DZIP3: variants seen among roughly 807,000 people sequenced by gnomAD.
DZIP3 encodes the protein DAZ interacting zinc finger protein 3, also known as E3 ubiquitin-protein ligase DZIP3.
A neutral mutation model predicts 162.0 loss-of-function variants in DZIP3; 118 were observed. That is an observed-to-expected ratio of 0.73 (90% CI 0.63 to 0.85). The LOEUF (loss-of-function observed/expected upper bound fraction) is 0.85. DZIP3 is among the 40% of genes least tolerant of loss of function. The pLI is 0.00. For synonymous variants in DZIP3, 438 were observed against 458.6 expected (o/e 0.96, Z 0.57); for missense variants, 1,331 against 1,407.0 (o/e 0.95, Z 0.86).
chr3:108,628,656 C>T (rs772803343), intron 7 of DZIP3, among the ~76,000 whole-genome samples: 16 of 152,164 alleles, frequency 1.1e-4, no homozygotes, highest in Admixed American at 3.3e-4. Flanking sequence ...ATTTTCAGCA[C>T]GGATTATGGC....
intron 8 of DZIP3, among the ~76,000 whole-genome samples, chr3:108,632,102 T>C (rs1255402472): frequency 6.6e-6 from 1 of 152,218 alleles, no homozygotes; most frequent in Non-Finnish European, 1.5e-5. Context: ...TTAGCAGTAA[T>C]ACTATTTGAA....
intron 18 of DZIP3, among the ~76,000 whole-genome samples, chr3:108,652,488 A>G (rs545844870): frequency 6.6e-6 from 1 of 152,024 alleles, no homozygotes; most frequent in South Asian, 2.1e-4. Flanking sequence ...GACCTCAGAT[A>G]TGATGGTGGT....
chr3:108,688,127 ATC>A, intron 29 of DZIP3, 31 bp downstream of exon 29: 3 of 1,611,672 alleles, frequency 1.9e-6, no homozygotes, highest in Non-Finnish European at 2.5e-6. Flanking sequence ...AAAAACCTGT[ATC>A]TCTCTGCCCT....
chr3:108,692,133 G>C (rs1413118304), intron 32 of DZIP3, among the ~76,000 whole-genome samples: 1 of 151,860 alleles, frequency 6.6e-6, no homozygotes, highest in Non-Finnish European at 1.5e-5. Context: ...CCCTACAAAG[G>C]CCAAGAACAT....
At chr3:108,590,717 G>C (rs1396717923) in intron 1 of DZIP3, among the ~76,000 whole-genome samples, 1 of 152,234 alleles carries the variant, frequency 6.6e-6, no homozygotes, top group African/African-American at 2.4e-5. Context: ...CAGTGGTAAA[G>C]AGTAGAGAGC....
chr3:108,635,637 T>TTATA (rs71930078), intron 10 of DZIP3, among the ~76,000 whole-genome samples: 1 of 146,302 alleles, frequency 6.8e-6, no homozygotes, highest in Admixed American at 6.9e-5. Flanking sequence ...ATTATATAAG[T>TTATA]TATATATATA....
intron 21 of DZIP3, among the ~76,000 whole-genome samples, chr3:108,663,142 AT>A (rs1367811864): frequency 1.3e-5 from 2 of 152,198 alleles, no homozygotes; most frequent in Non-Finnish European, 2.9e-5. Flanking sequence ...TGACAACATA[AT>A]TTCACTTACA....
intron 1 of DZIP3, among the ~76,000 whole-genome samples, chr3:108,599,831 C>T (rs540656258): frequency 2.0e-5 from 3 of 152,282 alleles, no homozygotes; most frequent in African/African-American, 7.2e-5. Flanking sequence ...GAAGAGCACC[C>T]TTATCAGAAC....
intron 4 of DZIP3, among the ~76,000 whole-genome samples, chr3:108,614,336 A>G (rs1940881655): frequency 6.6e-6 from 1 of 152,212 alleles, no homozygotes; most frequent in Non-Finnish European, 1.5e-5. Flanking sequence ...TGCTACTTGG[A>G]GTAGCTACCT....
chr3:108,674,806 T>G (rs1944045189), intron 24 of DZIP3, among the ~76,000 whole-genome samples: 1 of 151,878 alleles, frequency 6.6e-6, no homozygotes, highest in African/African-American at 2.4e-5. Context: ...CTTAAAGAAT[T>G]AATTAAATTA....
intron 16 of DZIP3, chr3:108,648,333 T>A (rs1454979051): frequency 1.2e-5 from 5 of 407,794 alleles, no homozygotes; most frequent in Non-Finnish European, 2.1e-5. Context: ...CTTAAACACT[T>A]ATGTGGCAGG....
At chr3:108,667,190 AAG>A (rs1943719343) in intron 21 of DZIP3, among the ~76,000 whole-genome samples, 1 of 152,090 alleles carries the variant, frequency 6.6e-6, no homozygotes, top group South Asian at 2.1e-4. Context: ...GAGTTGGAAA[AAG>A]AAAAATAGTA....
chr3:108,607,504 C>A (rs765379664), intron 2 of DZIP3, among the ~76,000 whole-genome samples: 7 of 152,070 alleles, frequency 4.6e-5, no homozygotes, highest in Non-Finnish European at 8.8e-5. Flanking sequence ...GCAAAAGCAA[C>A]ATTACAAATA....
At position 108,651,162 on chromosome 3, in the gene DZIP3, TGTAA is replaced by T; in HGVS notation, c.2033+4_2033+7del. On this transcript the variant is annotated splice_donor_variant and splice_donor_region_variant and intron_variant, in intron 18 of 32. Coordinates refer to ENST00000361582, the MANE Select transcript of DZIP3 (RefSeq NM_014648.4). LOFTEE classifies it high-confidence loss of function. Reference sequence around the variant, plus strand: ...AATAAAGACTCAAAAGAAGACCAAGTGTAAGTATTAGTTTATTTAATTTTTAAAT... The same window carrying T: ...AATAAAGACTCAAAAGAAGACCAAGTGTATTAGTTTATTTAATTTTTAAAT... 1.3e-6 allele frequency: 1 copy of T among 749,190 alleles called. No individual in the cohort carries two copies. Among genetic ancestry groups the T allele is most frequent in the Non-Finnish European group, 1.9e-6 (1 of 534,070 alleles). 46.4% of individuals were successfully genotyped at this position (749,190 alleles called of 1,614,324 possible). A position where few individuals can be genotyped will look rare whatever the true frequency, so the allele number is the denominator to read the frequency against.
chr3:108,635,821 G>A (rs1240805385), intron 10 of DZIP3, among the ~76,000 whole-genome samples: 2 of 151,518 alleles, frequency 1.3e-5, no homozygotes, highest in Non-Finnish European at 3.0e-5. Flanking sequence ...ATAATGTGTG[G>A]TTCTATAGTG....
Position 108,646,403 on chromosome 3 carries a change from C to CT in DZIP3, c.1760-206dup, listed in dbSNP as rs953598497. On this transcript the variant is annotated intron_variant, in intron 14 of 32. Transcript: ENST00000361582. ...ATCTGTGATACCACATTTTTGTTTA[C>CT]TTTTTTTTCTCTAATCATGGGTTTA... 1.1e-4 allele frequency among the ~76,000 whole-genome samples: 16 copies of CT among 152,022 alleles called. No individual in the cohort carries two copies. In the East Asian group the frequency reaches 1.9e-3, roughly 18 times the overall value.
At chr3:108,625,417 A>G (rs1941547560) in intron 6 of DZIP3, among the ~76,000 whole-genome samples, 1 of 152,230 alleles carries the variant, frequency 6.6e-6, no homozygotes, top group Admixed American at 6.5e-5. Context: ...AGTACTTGCC[A>G]GTTAGATATG....
At chr3:108,621,438 A>G (rs1353543081) in intron 5 of DZIP3, among the ~76,000 whole-genome samples, 5 of 152,216 alleles carry the variant, frequency 3.3e-5, no homozygotes, top group South Asian at 2.1e-4. Context: ...TTGTATTACA[A>G]CAATCCATTT....
chr3:108,682,725 T>C (rs1181537053), intron 26 of DZIP3, among the ~76,000 whole-genome samples: 2 of 150,728 alleles, frequency 1.3e-5, no homozygotes, highest in East Asian at 3.9e-4. Flanking sequence ...AACAGTAAGG[T>C]ATTATATATC....
Sources: allele counts gnomAD v4.1 joint callset (sites outside exome capture counted in the v4.1 genomes callset), GRCh38; gene constraint gnomAD v4.1.1; transcripts MANE v1.5; gene names NCBI Gene and HGNC (gene_info 2026-07-23, HGNC 2026-07-21).